STX10: variants seen among roughly 807,000 people sequenced by gnomAD.
STX10 encodes syntaxin 10.
In STX10, 35 loss-of-function variants were observed where a neutral mutation model predicts 34.1. The observed-to-expected ratio is 1.03, with a 90% confidence interval of 0.78 to 1.36. STX10 has a LOEUF of 1.36. Among genes scored for constraint, STX10 ranks in the 40% most tolerant of loss-of-function variants. STX10 has a pLI of 0.00. For synonymous variants in STX10, 155 were observed against 132.9 expected (o/e 1.17, Z -1.15); for missense variants, 361 against 335.5 (o/e 1.08, Z -0.59).
intron 2 of STX10, 32 bp downstream of exon 2, chr19:13,149,696 A>C: frequency 6.2e-7 from 1 of 1,610,542 alleles, no homozygotes; most frequent in Non-Finnish European, 8.5e-7. Context: ...GGGCTCTCCC[A>C]TGCCACCCTC....
Position 13,144,560 on chromosome 19 carries a change from C to T in STX10, c.673+17G>A. ...CCTGCCCCCACCAGGACTGACCCCT[C>T]CCCTGAGGGGACTCACCACTCGTCA... On this transcript the variant is annotated intron_variant, in intron 7 of 7. Coordinates refer to ENST00000587230, the MANE Select transcript of STX10 (RefSeq NM_003765.3). 6.2e-7 allele frequency: 1 copy of T among 1,614,122 alleles called. No individual in the cohort carries two copies. The highest frequency in any genetic ancestry group is 8.5e-7 in the Non-Finnish European group (1 of 1,180,014).
chr19:13,149,740 C>T lies in STX10; in HGVS notation c.193G>A (p.Glu65Lys), dbSNP rs758432876. ...AGCCCCAGGATATCGATGGTCTCTTCCAGGTCCTCGAGGTCCCACTCGATG... is the reference window on the plus strand; with the variant it reads ...AGCCCCAGGATATCGATGGTCTCTTTCAGGTCCTCGAGGTCCCACTCGATG... ...RSIEWDLEDL[E>K]ETIGIVEANP... The change falls in exon 2 of 8, where the codon GAA (glutamate) becomes AAA (lysine). Residue 65 changes from glutamate to lysine, a missense_variant. Glu to Lys is a moderately conservative substitution (Grantham distance 56). Coordinates refer to ENST00000587230, the MANE Select transcript of STX10 (RefSeq NM_003765.3). The T allele has an allele frequency of 8.1e-6, 13 of 1,614,002 alleles. No homozygotes were observed. The highest frequency in any genetic ancestry group is 1.1e-5 in the Non-Finnish European group (13 of 1,179,860).
At chr19:13,147,802 C>G (rs1006661293) in intron 4 of STX10, among the ~76,000 whole-genome samples, 13 of 145,276 alleles carry the variant, frequency 8.9e-5, no homozygotes, top group African/African-American at 3.3e-4. Context: ...GAGGCTGAGA[C>G]AGAATTGCTT....
Position 13,144,876 on chromosome 19 carries a change from G to A in STX10, c.472-6C>T. 6.2e-7 allele frequency: 1 copy of A among 1,610,370 alleles called. No individual in the cohort carries two copies. The highest frequency in any genetic ancestry group is 1.3e-5 in the African/African-American group (1 of 74,920). The stretch of plus-strand genomic sequence containing the variant: ...TCCTGTTCATCCATGATCAGCTGCA[G>A]AGCGAAGGGGTGGGAGATGCTGTTG... On this transcript the variant is annotated splice_region_variant and splice_polypyrimidine_tract_variant and intron_variant, in intron 5 of 7. Coordinates refer to ENST00000587230, the MANE Select transcript of STX10 (RefSeq NM_003765.3).
Position 13,150,093 on chromosome 19 carries a change from C to T in STX10, c.35+46G>A. 8.9e-7 allele frequency: 1 copy of T among 1,126,364 alleles called. No homozygotes were observed. Among genetic ancestry groups the T allele is most frequent in the Non-Finnish European group, 1.3e-6 (1 of 755,050 alleles). 69.8% of individuals were successfully genotyped at this position (1,126,364 alleles called of 1,614,324 possible). A position where few individuals can be genotyped will look rare whatever the true frequency, so the allele number is the denominator to read the frequency against. ...GGGCCGGCACCCGGGCACTGGCTGG[C>T]TTGGGTACAGAGCACCCTCCGCCCT... On this transcript the variant is annotated intron_variant, in intron 1 of 7. Coordinates refer to ENST00000587230, the MANE Select transcript of STX10 (RefSeq NM_003765.3). This position sits in a 1 kb window ranked among gnomAD's most constrained non-coding sequence, Gnocchi z 4.0.
Position 13,149,791 on chromosome 19 carries a change from T to C in STX10, c.142A>G (p.Asn48Asp). The change falls in exon 2 of 8, where the codon AAT becomes GAT. Residue 48 changes from asparagine to aspartate, a missense_variant. Coordinates refer to ENST00000587230, the MANE Select transcript of STX10 (RefSeq NM_003765.3). ...VGREELDWTT[N>D]ELRNGLRSIE... The stretch of plus-strand genomic sequence containing the variant: ...CTGCGCAGGCCATTCCGCAGCTCAT[T>C]GGTCGTCCAGTCCAGCTCCTCGCGT... 6.2e-7 allele frequency: 1 copy of C among 1,614,112 alleles called. No individual in the cohort carries two copies. The highest frequency in any genetic ancestry group is 8.5e-7 in the Non-Finnish European group (1 of 1,180,046).
chr19:13,150,170 A>T lies in STX10; in HGVS notation c.4T>A (p.Ser2Thr), dbSNP rs968190971. M[S>T]LEDPFFVVRG... The stretch of plus-strand genomic sequence containing the variant: ...ACTACAAAAAAGGGGTCTTCGAGAG[A>T]CATGTCAGTCCCTTCCCCCCCAGGC... The change falls in exon 1 of 8, where the codon TCT becomes ACT. Residue 2 changes from serine (S) to threonine (T), a missense_variant. Physicochemically the swap from Ser to Thr is moderately conservative, Grantham distance 58. Coordinates refer to ENST00000587230, the MANE Select transcript of STX10 (RefSeq NM_003765.3). The surrounding 1 kb of genome is among the most constrained non-coding windows in gnomAD (Gnocchi z 4.0). The T allele has an allele frequency of 7.2e-6, 8 of 1,116,004 alleles. No individual in the cohort carries two copies. Among genetic ancestry groups the T allele is most frequent in the Non-Finnish European group, 9.5e-6 (7 of 740,332 alleles). 69.1% of individuals were successfully genotyped at this position (1,116,004 alleles called of 1,614,324 possible).
At position 13,150,108 on chromosome 19, in the gene STX10, C is replaced by G. The variant is rs1211771696; in HGVS notation, c.35+31G>C. On this transcript the variant is annotated intron_variant, in intron 1 of 7. Coordinates refer to ENST00000587230, the MANE Select transcript of STX10 (RefSeq NM_003765.3). The surrounding 1 kb of genome is among the most constrained non-coding windows in gnomAD (Gnocchi z 4.0). ...CACTGGCTGGCTTGGGTACAGAGCA[C>G]CCTCCGCCCTCCCCCGTCGTTGTCA... The G allele has an allele frequency of 8.9e-7, 1 of 1,123,378 alleles. No individual in the cohort carries two copies. Among genetic ancestry groups the G allele is most frequent in the South Asian group, 1.3e-5 (1 of 76,630 alleles). The allele number at this position is 1,123,378 out of a possible 1,614,324, so 69.6% of individuals were successfully genotyped here. A position where few individuals can be genotyped will look rare whatever the true frequency, so the allele number is the denominator to read the frequency against.
intron 3 of STX10, 70 bp from the exon 4 acceptor site, chr19:13,149,161 T>A: frequency 7.1e-7 from 1 of 1,411,336 alleles, no homozygotes. Context: ...CCTGTAATCC[T>A]AGCACTTTGA....
intron 4 of STX10, among the ~76,000 whole-genome samples, chr19:13,145,831 C>T (rs1437826155): frequency 6.6e-6 from 1 of 151,926 alleles, no homozygotes; most frequent in Non-Finnish European, 1.5e-5. Flanking sequence ...TGAGAGCAGC[C>T]TGGCCAACAT....
chr19:13,146,765 G>T (rs12973421), intron 4 of STX10, among the ~76,000 whole-genome samples: 36,556 of 151,386 alleles, frequency 0.24, 4,759 homozygotes, highest in African/African-American at 0.26. Context: ...GGTCTCGAAC[G>T]CCTGACCTCA....
chr19:13,149,302 C>T (rs1411668845), intron 3 of STX10, among the ~76,000 whole-genome samples, 197 bp downstream of exon 3: 3 of 151,318 alleles, frequency 2.0e-5, no homozygotes, highest in Non-Finnish European at 4.4e-5. Flanking sequence ...GTCCCAGCTA[C>T]TCAGGAGACT....
intron 3 of STX10, 34 bp from the exon 4 acceptor site, chr19:13,149,125 ACT>A: frequency 6.4e-7 from 1 of 1,564,874 alleles, no homozygotes; most frequent in Non-Finnish European, 8.7e-7. Context: ...GAGGAAAGAC[ACT>A]CAGGCTGGGC....
In STX10 at chr19:13,145,380, G is replaced by C. The variant is rs1204963091; in HGVS notation, c.379C>G (p.Pro127Ala). ...TCGCTGGGTGACTTCTGGGCAGCTGGCTTGCCTGCGAGTATCTGCAGGGGC... is the reference window on the plus strand; with the variant it reads ...TCGCTGGGTGACTTCTGGGCAGCTGCCTTGCCTGCGAGTATCTGCAGGGGC... The part of the protein sequence containing the change: ...RNNREILAGK[P>A]AAQKSPSDLL... The change falls in exon 5 of 8, where the codon CCA (proline) becomes GCA (alanine). Residue 127 changes from proline to alanine, a missense_variant. Transcript: ENST00000587230. 8 of 1,610,848 alleles carry C rather than the reference G, an allele frequency of 5.0e-6. No individual in the cohort carries two copies. In the East Asian group the frequency reaches 1.1e-4, roughly 22 times the overall value.
chr19:13,147,653 C>T (rs1049399071), intron 4 of STX10, among the ~76,000 whole-genome samples: 1 of 151,594 alleles, frequency 6.6e-6, no homozygotes, highest in Non-Finnish European at 1.5e-5. Flanking sequence ...AATCCCAGCA[C>T]TTTGGGAGGC....
rs1278084159 is a variant in STX10, at chr19:13,150,285, C to A, written c.-112G>T. On this transcript the variant is annotated 5_prime_UTR_variant, in exon 1 of 8. Transcript: ENST00000587230. The surrounding 1 kb of genome is among the most constrained non-coding windows in gnomAD (Gnocchi z 4.0). Reference sequence around the variant, plus strand: ...ACCCCCGCCCCCGTCACGCCACCATCGAGAGCCGGACCGCCAGGGGAGAAA... The same window carrying A: ...ACCCCCGCCCCCGTCACGCCACCATAGAGAGCCGGACCGCCAGGGGAGAAA... 1.6e-6 allele frequency: 1 copy of A among 644,280 alleles called. No individual in the cohort carries two copies. The highest frequency in any genetic ancestry group is 2.8e-6 in the Non-Finnish European group (1 of 351,888). 39.9% of individuals were successfully genotyped at this position (644,280 alleles called of 1,614,324 possible).
chr19:13,145,071 C>T (rs1342257557), intron 5 of STX10, among the ~76,000 whole-genome samples: 1 of 151,980 alleles, frequency 6.6e-6, no homozygotes, highest in Non-Finnish European at 1.5e-5. Flanking sequence ...TTGTGGTGGG[C>T]GCCTGTAATC....
intron 4 of STX10, among the ~76,000 whole-genome samples, chr19:13,146,811 G>T (rs1030874931): frequency 2.6e-5 from 4 of 152,100 alleles, no homozygotes; most frequent in Non-Finnish European, 5.9e-5. Context: ...AAAGTGCTGA[G>T]ATTTTAGGTG....
Position 13,149,083 on chromosome 19 carries a change from C to T in STX10, c.309G>A (p.Lys103=), listed in dbSNP as rs991026600. The T allele has an allele frequency of 6.3e-7, 1 of 1,597,406 alleles. No individual in the cohort carries two copies. Residue 103 remains lysine, a synonymous_variant, in exon 4 of 8, where the codon AAG becomes AAA. Transcript: ENST00000587230. Reference sequence around the variant, plus strand: ...CGGCTGTTGGGCTGACCATATGGTCCTTCATTTCCTGGAGGTAAGGACAGC... The same window carrying T: ...CGGCTGTTGGGCTGACCATATGGTCTTTCATTTCCTGGAGGTAAGGACAGC... ...ERMREAVQEM[K]DHMVSPTAVA... is the part of the protein sequence containing the mutation.
Sources: gnomAD v4.1 joint callset for allele counts (sites outside exome capture counted in the v4.1 genomes callset) on GRCh38, gnomAD v4.1.1 for gene constraint, Gnocchi (gnomAD v3.1) non-coding constraint, MANE v1.5 for transcripts, NCBI Gene and HGNC (gene_info 2026-07-23, HGNC 2026-07-21) for gene names.